ADGRB3: variants seen among roughly 807,000 people sequenced by gnomAD.
ADGRB3 encodes brain-specific angiogenesis inhibitor 3.
Under a neutral mutation model 193.4 loss-of-function variants are expected in ADGRB3, and 37 were observed. That is an observed-to-expected ratio of 0.19 (90% CI 0.15 to 0.25). ADGRB3 has a LOEUF of 0.25. ADGRB3 is among the 10% of genes least tolerant of loss of function. ADGRB3 has a pLI of 1.00. For synonymous variants in ADGRB3, 690 were observed against 644.2 expected (o/e 1.07, Z -1.08); for missense variants, 1,637 against 1,852.9 (o/e 0.88, Z 2.14).
At chr6:69,322,059 C>A (rs191311064) in intron 20 of ADGRB3, among the ~76,000 whole-genome samples, 10 of 152,010 alleles carry the variant, frequency 6.6e-5, no homozygotes, top group Admixed American at 5.9e-4. Context: ...TCTGTGTGTC[C>A]ATGTGTTCTC....
At chr6:68,732,615 A>G (rs1400871295) in intron 3 of ADGRB3, among the ~76,000 whole-genome samples, 3 of 151,918 alleles carry the variant, frequency 2.0e-5, no homozygotes, top group Non-Finnish European at 4.4e-5. Flanking sequence ...TTTGCAGAGC[A>G]TTCAGCTGAG....
intron 3 of ADGRB3, among the ~76,000 whole-genome samples, chr6:68,885,488 T>TGAAA (rs1475966888): frequency 1.3e-5 from 2 of 152,200 alleles, no homozygotes; most frequent in African/African-American, 2.4e-5. Flanking sequence ...TTCTTTGTGG[T>TGAAA]GAAAACATTT....
At position 69,239,266 on chromosome 6, in the gene ADGRB3, T is replaced by A. The variant is rs764706831; in HGVS notation, c.2814+40T>A. 1.3e-5 allele frequency: 17 copies of A among 1,339,746 alleles called. No individual in the cohort carries two copies. The South Asian group carries it at 2.0e-4, about 16-fold the overall frequency. 83.0% of individuals were successfully genotyped at this position (1,339,746 alleles called of 1,614,324 possible). A position where few individuals can be genotyped will look rare whatever the true frequency, so the allele number is the denominator to read the frequency against. On this transcript the variant is annotated intron_variant, in intron 20 of 31. Coordinates refer to ENST00000370598, the MANE Select transcript of ADGRB3 (RefSeq NM_001704.3). ...TATTCTGATTCTTTTTTTGTGTTTA[T>A]ATTTTGGCATATTGTTAGTTATTGA...
chr6:69,152,891 A>G (rs1370224220), intron 17 of ADGRB3, among the ~76,000 whole-genome samples: 1 of 152,198 alleles, frequency 6.6e-6, no homozygotes, highest in Admixed American at 6.5e-5. Context: ...GGTTACTTAT[A>G]TCGCTATGAC....
chr6:68,962,118 T>C (rs1022148574), intron 8 of ADGRB3, among the ~76,000 whole-genome samples: 4 of 152,188 alleles, frequency 2.6e-5, no homozygotes, highest in African/African-American at 2.4e-5. Context: ...ATATTAAATG[T>C]TCTATTTGTT....
In ADGRB3 at chr6:69,031,525, C is replaced by CTTTA. The variant is rs780766123; in HGVS notation, c.2107+13029_2107+13030insATTT. ...CATTTTGAATTTGAGTTGTCTCTTTCTTTCTTTCTTTCTTTCTTTCTTTCT... is the reference window on the plus strand; with the variant it reads ...CATTTTGAATTTGAGTTGTCTCTTTCTTTATTTCTTTCTTTCTTTCTTTCTTTCT... On this transcript the variant is annotated intron_variant, in intron 13 of 31. Transcript: ENST00000370598. 4.9e-3 allele frequency among the ~76,000 whole-genome samples: 244 copies of CTTTA among 49,908 alleles called. 7 individuals carry two copies. The highest frequency in any genetic ancestry group is 0.012 in the African/African-American group (241 of 20,392). The allele number at this position is 49,908 out of a possible 152,430, so 32.7% of individuals were successfully genotyped here. A position where few individuals can be genotyped will look rare whatever the true frequency, so the allele number is the denominator to read the frequency against.
chr6:68,915,843 T>A (rs1477831904), intron 3 of ADGRB3, among the ~76,000 whole-genome samples: 1 of 152,122 alleles, frequency 6.6e-6, no homozygotes, highest in Non-Finnish European at 1.5e-5. Flanking sequence ...ATTTATGCTG[T>A]CATGATTCAG....
Position 69,049,337 on chromosome 6 carries a change from C to T in ADGRB3, c.2324C>T (p.Pro775Leu). The T allele has an allele frequency of 6.2e-7, 1 of 1,604,172 alleles. No homozygotes were observed. The highest frequency in any genetic ancestry group is 8.5e-7 in the Non-Finnish European group (1 of 1,173,604). ...TACAAAAACTTAGATCTAATTTTGC[C>T]CACTTTGAGGTAAGCTACAAAGTAA... ...VLYKNLDLIL[P>L]TLRNYTVINS... The change falls in exon 15 of 32, where the codon CCC (proline) becomes CTC (leucine). Residue 775 changes from proline (P) to leucine (L), a missense_variant. This residue lies in a region of ADGRB3 where 641 missense variants were observed against 673.9 expected (regional missense o/e 0.95). Transcript: ENST00000370598.
intron 17 of ADGRB3, among the ~76,000 whole-genome samples, chr6:69,093,840 G>A (rs764669343): frequency 1.3e-5 from 2 of 152,182 alleles, no homozygotes; most frequent in African/African-American, 4.8e-5. Flanking sequence ...ATGAGAACTA[G>A]AGATGTAAGA....
intron 11 of ADGRB3, among the ~76,000 whole-genome samples, 191 bp from the exon 12 acceptor site, chr6:69,013,847 G>T (rs1010931292): frequency 1.3e-5 from 2 of 151,940 alleles, no homozygotes; most frequent in Admixed American, 1.3e-4. Flanking sequence ...CAAAAATGAA[G>T]GTATATGAAA....
chr6:69,093,651 G>A (rs1416046955), intron 17 of ADGRB3, among the ~76,000 whole-genome samples: 1 of 150,478 alleles, frequency 6.6e-6, no homozygotes, highest in Admixed American at 6.6e-5. Flanking sequence ...GATCTAGGGA[G>A]TGGGGTGGGC....
chr6:68,838,951 T>A (rs1052536503), intron 3 of ADGRB3, among the ~76,000 whole-genome samples: 4 of 152,076 alleles, frequency 2.6e-5, no homozygotes, highest in African/African-American at 9.7e-5. Context: ...CAAATTGGCT[T>A]TCAGTTCCAA....
intron 3 of ADGRB3, among the ~76,000 whole-genome samples, chr6:68,869,201 T>G (rs949938199): frequency 1.3e-5 from 2 of 152,162 alleles, no homozygotes; most frequent in African/African-American, 4.8e-5. Flanking sequence ...TCTATCACTT[T>G]CTAAATATAG....
chr6:69,235,878 C>G (rs183716129), intron 19 of ADGRB3, among the ~76,000 whole-genome samples: 2 of 151,670 alleles, frequency 1.3e-5, no homozygotes, highest in Admixed American at 6.6e-5. Context: ...AGACATATGG[C>G]CAAAGTACTG....
chr6:68,903,642 A>C lies in ADGRB3; in HGVS notation c.758-26917A>C, dbSNP rs1396696195. Among the ~76,000 whole-genome samples, 3 of 152,260 alleles carry C rather than the reference A, an allele frequency of 2.0e-5. No homozygotes were observed. The East Asian group carries it at 5.8e-4, about 30-fold the overall frequency. On this transcript the variant is annotated intron_variant, in intron 3 of 31. Transcript: ENST00000370598. Reference sequence around the variant, plus strand: ...CTTATAACACTCTAAGAGCAGTAGCAGGCCTGCTCCTGTGCCTAACTGCTG... The same window carrying C: ...CTTATAACACTCTAAGAGCAGTAGCCGGCCTGCTCCTGTGCCTAACTGCTG...
At chr6:68,878,509 A>C (rs1282698294) in intron 3 of ADGRB3, among the ~76,000 whole-genome samples, 1 of 152,200 alleles carries the variant, frequency 6.6e-6, no homozygotes, top group African/African-American at 2.4e-5. Context: ...TTTGTGTTTT[A>C]GACATTTGTG....
intron 20 of ADGRB3, among the ~76,000 whole-genome samples, chr6:69,319,411 G>A (rs1302894788): frequency 6.6e-6 from 1 of 151,006 alleles, no homozygotes; most frequent in Non-Finnish European, 1.5e-5. Flanking sequence ...TAAAAATCTA[G>A]ACATGCTCTG....
chr6:69,012,973 A>G (rs1303705218), intron 11 of ADGRB3, among the ~76,000 whole-genome samples: 1 of 152,082 alleles, frequency 6.6e-6, no homozygotes, highest in Non-Finnish European at 1.5e-5. Flanking sequence ...ACACACAGAC[A>G]GTCAGACGAG....
intron 17 of ADGRB3, among the ~76,000 whole-genome samples, chr6:69,156,061 TTTAA>T (rs1774830594): frequency 6.6e-6 from 1 of 152,186 alleles, no homozygotes; most frequent in African/African-American, 2.4e-5. Context: ...TTTAAAAATA[TTTAA>T]TTGAGAACCT....
Sources: allele counts gnomAD v4.1 joint callset (sites outside exome capture counted in the v4.1 genomes callset), GRCh38; gene constraint gnomAD v4.1.1; regional missense constraint gnomAD v4.1.1; transcripts MANE v1.5; gene names NCBI Gene and HGNC (gene_info 2026-07-23, HGNC 2026-07-21).